The following CYFIP1 variants were observed in gnomAD, a reference collection of about 807,000 sequenced individuals.
CYFIP1 encodes cytoplasmic FMR1 interacting protein 1.
In CYFIP1, 58 loss-of-function variants were observed where a neutral mutation model predicts 163.5. The ratio of observed to expected loss-of-function variants is 0.35; its 90% CI spans 0.29 to 0.44. The LOEUF (loss-of-function observed/expected upper bound fraction) is 0.44, where lower values mean the gene tolerates loss of function less well. CYFIP1 is among the 20% of genes least tolerant of loss of function. The probability of loss-of-function intolerance (pLI) is 1.00; values close to 1 mark genes in which losing one functional copy is unlikely to be tolerated. For missense variants in CYFIP1, 1,338 were observed against 1,653.8 expected (o/e 0.81, Z 3.31); for synonymous variants, 663 against 660.7 (o/e 1.00, Z -0.05).
At chr15:22,928,710 A>T (rs2061438301) in intron 11 of CYFIP1, among the ~76,000 whole-genome samples, 1 of 152,218 alleles carries the variant, frequency 6.6e-6, no homozygotes, top group Non-Finnish European at 1.5e-5. Context: ...CACCGTGGAG[A>T]AGGCAGGCTT....
intron 10 of CYFIP1, among the ~76,000 whole-genome samples, chr15:22,933,362 T>C (rs1177414410): frequency 2.6e-5 from 4 of 151,760 alleles, no homozygotes; most frequent in Non-Finnish European, 5.9e-5. Context: ...TCGCCCAGGT[T>C]GGAGTGCAGT....
At chr15:22,895,162 C>T (rs1201903776) in intron 22 of CYFIP1, among the ~76,000 whole-genome samples, 1 of 151,960 alleles carries the variant, frequency 6.6e-6, no homozygotes, top group African/African-American at 2.4e-5. Flanking sequence ...CTACAGGCGC[C>T]CGCCACCAAG....
At chr15:22,944,177 T>A (rs1283181974) in intron 5 of CYFIP1, among the ~76,000 whole-genome samples, 1 of 143,210 alleles carries the variant, frequency 7.0e-6, no homozygotes, top group Admixed American at 7.4e-5. Context: ...AGGCAGAGGT[T>A]GCAGTGAGCC....
At chr15:22,885,638 C>T (rs557051397) in intron 23 of CYFIP1, among the ~76,000 whole-genome samples, 2 of 152,222 alleles carry the variant, frequency 1.3e-5, no homozygotes, top group Admixed American at 6.5e-5. Context: ...GAGGCTGAGG[C>T]AGGAGAATTA....
At chr15:22,888,951 G>A (rs763938191) in intron 23 of CYFIP1, among the ~76,000 whole-genome samples, 1 of 151,246 alleles carries the variant, frequency 6.6e-6, no homozygotes, top group Non-Finnish European at 1.5e-5. Context: ...TGAGGCACAC[G>A]AATCACTGGA....
At chr15:22,979,122 C>T (rs2063378699) in intron 1 of CYFIP1, among the ~76,000 whole-genome samples, 1 of 152,184 alleles carries the variant, frequency 6.6e-6, no homozygotes, top group Non-Finnish European at 1.5e-5. Flanking sequence ...GCAGTGAGGG[C>T]ACCGGCACTA....
intron 13 of CYFIP1, among the ~76,000 whole-genome samples, chr15:22,923,127 C>A (rs2061244732): frequency 6.6e-6 from 1 of 151,872 alleles, no homozygotes; most frequent in South Asian, 2.1e-4. Context: ...CAAACATAAT[C>A]AAAATTCAAA....
At chr15:22,896,519 AT>A (rs1010666711) in intron 22 of CYFIP1, among the ~76,000 whole-genome samples, 17 of 150,792 alleles carry the variant, frequency 1.1e-4, no homozygotes, top group African/African-American at 4.2e-4. Flanking sequence ...TTTTTTCATC[AT>A]TTTTTTCTTT....
At chr15:22,960,720 C>T (rs1439448381) in intron 1 of CYFIP1, among the ~76,000 whole-genome samples, 1 of 152,232 alleles carries the variant, frequency 6.6e-6, no homozygotes, top group Non-Finnish European at 1.5e-5. Context: ...CAGGGCGGCC[C>T]GCCCTCCTCC....
chr15:22,933,785 C>T lies in CYFIP1; in HGVS notation c.992+17G>A. The T allele has an allele frequency of 6.2e-7, 1 of 1,600,852 alleles. No individual in the cohort carries two copies. Among genetic ancestry groups the T allele is most frequent in the African/African-American group, 1.3e-5 (1 of 74,660 alleles). On this transcript the variant is annotated intron_variant, in intron 10 of 30. Coordinates refer to ENST00000617928, the MANE Select transcript of CYFIP1 (RefSeq NM_014608.6). ...ACTGCCGAAAGCTCAAACCAGGCAG[C>T]TTTCCTCTCCTCCTACCGAGATTTA...
At chr15:22,911,938 T>C (rs954994850) in intron 18 of CYFIP1, among the ~76,000 whole-genome samples, 8 of 152,260 alleles carry the variant, frequency 5.3e-5, no homozygotes, top group African/African-American at 1.9e-4. Flanking sequence ...TCAAAGATCA[T>C]GCTCATAACC....
intron 23 of CYFIP1, among the ~76,000 whole-genome samples, chr15:22,889,824 T>C (rs1199825161): frequency 6.6e-6 from 1 of 152,188 alleles, no homozygotes; most frequent in Non-Finnish European, 1.5e-5. Flanking sequence ...ATCTTTTAGT[T>C]CACAGAGACC....
chr15:22,889,640 C>T (rs1268586674), intron 23 of CYFIP1, among the ~76,000 whole-genome samples: 2 of 152,220 alleles, frequency 1.3e-5, no homozygotes, highest in Admixed American at 1.3e-4. Context: ...TACCCCCCGC[C>T]TGCCTCCCTC....
intron 23 of CYFIP1, among the ~76,000 whole-genome samples, chr15:22,890,073 G>A (rs985962797): frequency 1.4e-4 from 22 of 151,916 alleles, no homozygotes; most frequent in African/African-American, 5.3e-4. Flanking sequence ...AGGCCAAGGT[G>A]GGCGGATCAT....
intron 9 of CYFIP1, among the ~76,000 whole-genome samples, chr15:22,934,485 CTTTTTTTTTTTTTTTTTTT>C (rs35881374): frequency 2.2e-4 from 11 of 49,798 alleles, no homozygotes; most frequent in Non-Finnish European, 3.9e-4. Flanking sequence ...GCACCCAGCC[CTTTTTTTTTTTTTTTTTTT>C]TTTTTTTTTG....
chr15:22,949,221 T>A, intron 1 of CYFIP1, among the ~76,000 whole-genome samples: 1 of 152,188 alleles, frequency 6.6e-6, no homozygotes, highest in African/African-American at 2.4e-5. Flanking sequence ...GGGCCGCGGA[T>A]TCCCCCCGGG....
chr15:22,918,879 G>A (rs1450442688), intron 13 of CYFIP1, 21 bp from the exon 14 acceptor site: 1 of 1,563,480 alleles, frequency 6.4e-7, no homozygotes, highest in Admixed American at 1.9e-5. Flanking sequence ...CACAGCAACA[G>A]GGACGGCCCT....
intron 28 of CYFIP1, 51 bp from the exon 29 acceptor site, chr15:22,873,780 A>G (rs113257687): frequency 1.4e-6 from 2 of 1,453,844 alleles, no homozygotes; most frequent in African/African-American, 1.4e-5. Flanking sequence ...GCATCCAGCT[A>G]CTCCACATCC....
Position 22,896,642 on chromosome 15 carries a change from A to G in CYFIP1, c.2589-3665T>C, listed in dbSNP as rs116563140. Among the ~76,000 whole-genome samples the G allele has an allele frequency of 9.6e-3, 1,455 of 152,158 alleles. 28 individuals are homozygous for G. Among genetic ancestry groups the G allele is most frequent in the African/African-American group, 0.033 (1,357 of 41,504 alleles). ...AGTAATTTTTCATTCTAGATACTGCATTTCAGCTTTAATTCACTGGATTAT... is the reference window on the plus strand; with the variant it reads ...AGTAATTTTTCATTCTAGATACTGCGTTTCAGCTTTAATTCACTGGATTAT... On this transcript the variant is annotated intron_variant, in intron 22 of 30. Transcript: ENST00000617928.
Sources: gnomAD v4.1 joint callset for allele counts (sites outside exome capture counted in the v4.1 genomes callset) on GRCh38, gnomAD v4.1.1 for gene constraint, MANE v1.5 for transcripts, NCBI Gene and HGNC (gene_info 2026-07-23, HGNC 2026-07-21) for gene names.